Variants in PCDHGB3 observed in about 807,000 individuals in gnomAD.
PCDHGB3 encodes protocadherin gamma-B3.
In PCDHGB3, 40 loss-of-function variants were observed where a neutral mutation model predicts 59.2. That is an observed-to-expected ratio of 0.68 (90% CI 0.52 to 0.88). PCDHGB3 has a LOEUF of 0.88. Among genes scored for constraint, PCDHGB3 ranks in the 40% least tolerant of loss-of-function variants. The pLI, the probability that PCDHGB3 is intolerant of heterozygous loss-of-function variation, is 0.00. For missense variants in PCDHGB3, 1,309 were observed against 1,187.9 expected (o/e 1.10, Z -1.50); for synonymous variants, 581 against 503.6 (o/e 1.15, Z -2.06).
Position 141,487,295 on chromosome 5 carries a change from T to C in PCDHGB3, c.2416-7512T>C, listed in dbSNP as rs2099642474. The C allele has an allele frequency of 5.6e-6, 9 of 1,614,164 alleles. No individual in the cohort carries two copies. In the East Asian group the frequency reaches 1.3e-4, roughly 24 times the overall value. ...AATTTGCTTTGTCTCCTTTGGCTCA[T>C]TCGTGGCACTACTCTCTAAGTGTCT... On this transcript the variant is annotated intron_variant, in intron 1 of 3. Transcript: ENST00000576222. This position sits in a 1 kb window ranked among gnomAD's most constrained non-coding sequence, Gnocchi z 5.0.
Position 141,490,532 on chromosome 5 carries a change from C to T in PCDHGB3, c.2416-4275C>T. Reference sequence around the variant, plus strand: ...GAGCTGCTGGCCAGCGATGCTGGTTCACCTTCCCTACACAAACATCTCACC... The same window carrying T: ...GAGCTGCTGGCCAGCGATGCTGGTTTACCTTCCCTACACAAACATCTCACC... On this transcript the variant is annotated intron_variant, in intron 1 of 3. Coordinates refer to ENST00000576222, the MANE Select transcript of PCDHGB3 (RefSeq NM_018924.5). This position sits in a 1 kb window ranked among gnomAD's most constrained non-coding sequence, Gnocchi z 5.4. 6.2e-7 allele frequency: 1 copy of T among 1,614,142 alleles called. No homozygotes were observed. Among genetic ancestry groups the T allele is most frequent in the Non-Finnish European group, 8.5e-7 (1 of 1,180,030 alleles).
intron 1 of PCDHGB3, among the ~76,000 whole-genome samples, chr5:141,429,759 C>T (rs1233949322): frequency 6.6e-6 from 1 of 151,946 alleles, no homozygotes; most frequent in East Asian, 1.9e-4. Flanking sequence ...GAATTTTTTC[C>T]CTATATTTTG....
intron 1 of PCDHGB3, chr5:141,376,132 A>T: frequency 6.2e-7 from 1 of 1,613,498 alleles, no homozygotes; most frequent in Non-Finnish European, 8.5e-7. Context: ...CCTCCGCCAA[A>T]CCCAACGATT....
intron 1 of PCDHGB3, among the ~76,000 whole-genome samples, chr5:141,465,839 G>A (rs1166392052): frequency 6.6e-6 from 1 of 151,400 alleles, no homozygotes; most frequent in Non-Finnish European, 1.5e-5. Context: ...AATTTCAACT[G>A]AGGCTGGGCC....
At chr5:141,455,920 C>A (rs941360102) in intron 1 of PCDHGB3, among the ~76,000 whole-genome samples, 1 of 147,944 alleles carries the variant, frequency 6.8e-6, no homozygotes, top group Non-Finnish European at 1.5e-5. Flanking sequence ...TATTTTGAGA[C>A]GGAGTCTCGC....
At position 141,485,184 on chromosome 5, in the gene PCDHGB3, A is replaced by G. The variant is rs1415940980; in HGVS notation, c.2416-9623A>G. ...TAGCGGGCGGCAGCAATGCTCCGCA[A>G]GGTGAGAAGCTGGACAGAAATCTGG... On this transcript the variant is annotated intron_variant, in intron 1 of 3. Transcript: ENST00000576222. This position sits in a 1 kb window ranked among gnomAD's most constrained non-coding sequence, Gnocchi z 5.7. The G allele has an allele frequency of 6.2e-7, 1 of 1,613,152 alleles. No individual in the cohort carries two copies. The highest frequency in any genetic ancestry group is 1.3e-5 in the African/African-American group (1 of 74,938).
intron 1 of PCDHGB3, chr5:141,388,752 T>C: frequency 6.2e-7 from 1 of 1,614,002 alleles, no homozygotes; most frequent in East Asian, 2.2e-5. Context: ...GATCACCCAA[T>C]TTGACCTGAA....
rs780618979 is a variant in PCDHGB3, at chr5:141,370,747, A to G, written c.353A>G (p.His118Arg). The G allele has an allele frequency of 1.2e-5, 19 of 1,613,952 alleles. No individual in the cohort carries two copies. The highest frequency in any genetic ancestry group is 3.3e-4 in the Middle Eastern group (2 of 6,062). ...GCTGAAAAGCCTTTAAACTTTTTTC[A>G]TGTAACTGTGCTGATCCAGGATATT... ...MVAEKPLNFFHVTVLIQDIND... is the reference protein window; with the variant it reads ...MVAEKPLNFFRVTVLIQDIND... The change falls in exon 1 of 4, where the codon CAT becomes CGT. Residue 118 changes from histidine to arginine, a missense_variant. Transcript: ENST00000576222.
chr5:141,389,248 A>C, intron 1 of PCDHGB3: 1 of 1,614,036 alleles, frequency 6.2e-7, no homozygotes, highest in South Asian at 1.1e-5. Context: ...CAGTCTTCCT[A>C]TATAGTCCAC....
chr5:141,505,925 C>T (rs1161562658), intron 3 of PCDHGB3, among the ~76,000 whole-genome samples: 4 of 152,140 alleles, frequency 2.6e-5, no homozygotes, highest in Admixed American at 1.3e-4. Context: ...CTGGGCCTGG[C>T]GCTTGGAAGC....
At position 141,431,274 on chromosome 5, in the gene PCDHGB3, TC is replaced by T. The variant is rs767658803; in HGVS notation, c.2415+58466del. On this transcript the variant is annotated intron_variant, in intron 1 of 3. Transcript: ENST00000576222. The surrounding 1 kb of genome is among the most constrained non-coding windows in gnomAD (Gnocchi z 4.8). ...AAGAACTCTCTGCAGAGCTACGAGC[TC>T]AGCCCGAACACTCACTTCTCCCTCA... 6 of 1,614,128 alleles carry T rather than the reference TC, an allele frequency of 3.7e-6. No homozygotes were observed. Among genetic ancestry groups the T allele is most frequent in the Non-Finnish European group, 5.1e-6 (6 of 1,180,024 alleles).
rs773825932 is a variant in PCDHGB3, at chr5:141,370,445, A to G, written c.51A>G (p.Leu17=). ...WRGPAGQRRM[L]FLFLLSLLDQ... is the part of the protein sequence containing the mutation. ...GCCCAGCAGGGCAGAGGCGAATGCT[A>G]TTTCTCTTCCTGCTCTCTTTGTTAG... Residue 17 remains leucine (L), a synonymous_variant, in exon 1 of 4, where the codon CTA becomes CTG. Coordinates refer to ENST00000576222, the MANE Select transcript of PCDHGB3 (RefSeq NM_018924.5). The G allele has an allele frequency of 5.0e-6, 8 of 1,608,064 alleles. No homozygotes were observed. In the Admixed American group the frequency reaches 5.1e-5, roughly 10 times the overall value.
chr5:141,377,417 G>A (rs1773959916), intron 1 of PCDHGB3: 1 of 152,028 alleles, frequency 6.6e-6, no homozygotes, highest in Non-Finnish European at 1.5e-5. Context: ...ACCAGCCTGG[G>A]TGACTCTGTC....
rs182404532 is a variant in PCDHGB3 at position 141,384,827 on chromosome 5, T to G, written c.2415+12018T>G. ...AGAGATGCCCTCAAGCAGAGCCTCGTGGTGGCCGTCCAGGACCACGGTCAG... is the reference window on the plus strand; with the variant it reads ...AGAGATGCCCTCAAGCAGAGCCTCGGGGTGGCCGTCCAGGACCACGGTCAG... On this transcript the variant is annotated intron_variant, in intron 1 of 3. Coordinates refer to ENST00000576222, the MANE Select transcript of PCDHGB3 (RefSeq NM_018924.5). 8,704 of 1,613,474 alleles carry G rather than the reference T, an allele frequency of 5.4e-3. 36 individuals carry two copies. The highest frequency in any genetic ancestry group is 6.5e-3 in the Non-Finnish European group (7,724 of 1,179,900).
intron 1 of PCDHGB3, chr5:141,379,057 T>C (rs974258347): frequency 2.0e-5 from 3 of 152,238 alleles, no homozygotes; most frequent in African/African-American, 7.2e-5. Flanking sequence ...TAGAATGGAT[T>C]GGCCACTTGT....
intron 1 of PCDHGB3, among the ~76,000 whole-genome samples, chr5:141,465,140 G>A (rs1019369475): frequency 5.3e-5 from 8 of 151,554 alleles, no homozygotes; most frequent in Non-Finnish European, 7.4e-5. Context: ...AAGTTTAGGG[G>A]ATATATGAAG....
chr5:141,509,144 G>C (rs969990007), intron 3 of PCDHGB3, among the ~76,000 whole-genome samples: 14 of 152,114 alleles, frequency 9.2e-5, no homozygotes, highest in Admixed American at 2.0e-4. Context: ...GGCGCATCCC[G>C]GCTCTCCCCT....
intron 1 of PCDHGB3, chr5:141,478,491 G>A: frequency 6.2e-7 from 1 of 1,613,152 alleles, no homozygotes; most frequent in Non-Finnish European, 8.5e-7. Flanking sequence ...CTGCGGAGCT[G>A]TGATCCGGTG....
At chr5:141,383,385 G>T (rs1779091849) in intron 1 of PCDHGB3, 4 of 1,613,960 alleles carry the variant, frequency 2.5e-6, no homozygotes, top group Non-Finnish European at 3.4e-6. Context: ...ATCCAGATGT[G>T]GGCACGAACT....
Sources: gnomAD v4.1 joint callset for allele counts (sites outside exome capture counted in the v4.1 genomes callset) on GRCh38, gnomAD v4.1.1 for gene constraint, Gnocchi (gnomAD v3.1) non-coding constraint, MANE v1.5 for transcripts, NCBI Gene and HGNC (gene_info 2026-07-23, HGNC 2026-07-21) for gene names.